The following ZNFX1 variants were observed in gnomAD, a reference collection of about 807,000 sequenced individuals.
The protein encoded by ZNFX1 is zinc finger NFX1-type containing 1, also known as NFX1-type zinc finger-containing protein 1.
ZNFX1 carries 78 observed loss-of-function variants against 179.8 expected under a neutral mutation model. That is an observed-to-expected ratio of 0.43 (90% CI 0.36 to 0.52). The LOEUF (loss-of-function observed/expected upper bound fraction) is 0.52, where lower values mean the gene tolerates loss of function less well. ZNFX1 is among the 20% of genes least tolerant of loss of function. The probability of loss-of-function intolerance (pLI) is 0.00; values close to 1 mark genes in which losing one functional copy is unlikely to be tolerated. For missense variants in ZNFX1, 1,927 were observed against 2,386.6 expected (o/e 0.81, Z 4.01); for synonymous variants, 848 against 868.5 (o/e 0.98, Z 0.42).
In ZNFX1 at chr20:49,252,733, CG is replaced by C. The variant is rs1410411079; in HGVS notation, c.3202del (p.Arg1068ValfsTer2). ...RLVKVNIPFV[R>X]LNYQHRMCPE... Reference sequence around the variant, plus strand: ...CCAGCTTCTCACCTGGTAATTCAGACGGACAAAGGGAATGTTTACTTTCACT... The same window carrying C: ...CCAGCTTCTCACCTGGTAATTCAGACGACAAAGGGAATGTTTACTTTCACT... On this transcript the variant is annotated frameshift_variant, in exon 12 of 14. Transcript: ENST00000396105. LOFTEE classifies it high-confidence loss of function. 6.2e-7 allele frequency: 1 copy of C among 1,613,636 alleles called. No individual in the cohort carries two copies. Among genetic ancestry groups the C allele is most frequent in the Non-Finnish European group, 8.5e-7 (1 of 1,179,774 alleles).
Position 49,269,316 on chromosome 20 carries a change from T to C in ZNFX1, c.1870+626A>G, listed in dbSNP as rs539762406. 6.5e-4 allele frequency among the ~76,000 whole-genome samples: 99 copies of C among 152,182 alleles called. 1 individual carries two copies. The South Asian group carries it at 0.02, about 31-fold the overall frequency. Reference sequence around the variant, plus strand: ...GTGGGAGCTAAACATTGAATACACATGGACACAAAGAAGGGAACAGACACC... The same window carrying C: ...GTGGGAGCTAAACATTGAATACACACGGACACAAAGAAGGGAACAGACACC... On this transcript the variant is annotated intron_variant, in intron 3 of 13. Transcript: ENST00000396105.
At chr20:49,258,485 T>TA (rs372751508) in intron 7 of ZNFX1, among the ~76,000 whole-genome samples, 16 of 152,232 alleles carry the variant, frequency 1.1e-4, no homozygotes, top group South Asian at 2.1e-4. Context: ...CGTTTTACGT[T>TA]AAAAAATCAT....
At chr20:49,259,563 A>G (rs1013120439) in intron 7 of ZNFX1, among the ~76,000 whole-genome samples, 5 of 151,996 alleles carry the variant, frequency 3.3e-5, no homozygotes, top group African/African-American at 1.2e-4. Flanking sequence ...CTGGGACTAC[A>G]GGCACGCACC....
rs770553251 is a variant in ZNFX1, at chr20:49,266,279, GA to G, written c.1871-14del. The stretch of plus-strand genomic sequence containing the variant: ...ACATAGGTTTTGCCTAGAAAATAAG[GA>G]AAAAGGAATTTAACAATTTAGACAT... On this transcript the variant is annotated splice_polypyrimidine_tract_variant and intron_variant, in intron 3 of 13. Coordinates refer to ENST00000396105, the MANE Select transcript of ZNFX1 (RefSeq NM_021035.3). The G allele has an allele frequency of 1.9e-6, 3 of 1,567,566 alleles. No individual in the cohort carries two copies. The highest frequency in any genetic ancestry group is 1.4e-5 in the African/African-American group (1 of 72,250).
intron 9 of ZNFX1, 92 bp from the exon 10 acceptor site, chr20:49,254,741 C>T: frequency 8.6e-6 from 1 of 116,684 alleles, no homozygotes; most frequent in Non-Finnish European, 1.7e-5. Context: ...ATGAAGTGAA[C>T]CTTGGACCCT....
chr20:49,268,475 T>C (rs181145832), intron 3 of ZNFX1, among the ~76,000 whole-genome samples: 1 of 152,196 alleles, frequency 6.6e-6, no homozygotes, highest in East Asian at 1.9e-4. Flanking sequence ...GGGAGGAATG[T>C]TATTAACTAA....
Position 49,266,196 on chromosome 20 carries a change from G to A in ZNFX1, c.1941C>T (p.Leu647=). ...ACACAACCAAGATGGGGAACTTCTG[G>A]AGGCTAATTTGCCAAACAGACTCGT... ...LTNESVWQIS[L]QKFPILVVCY... Residue 647 remains leucine, a synonymous_variant, in exon 4 of 14, where the codon CTC becomes CTT. Coordinates refer to ENST00000396105, the MANE Select transcript of ZNFX1 (RefSeq NM_021035.3). 6.2e-7 allele frequency: 1 copy of A among 1,613,234 alleles called. No individual in the cohort carries two copies.
chr20:49,257,915 T>G (rs1804704268), intron 7 of ZNFX1, among the ~76,000 whole-genome samples: 1 of 151,742 alleles, frequency 6.6e-6, no homozygotes, highest in Non-Finnish European at 1.5e-5. Flanking sequence ...GGTTTCACCA[T>G]GTTGGTCAGG....
intron 13 of ZNFX1, among the ~76,000 whole-genome samples, chr20:49,250,739 A>T (rs1231767029): frequency 6.6e-6 from 1 of 151,966 alleles, no homozygotes; most frequent in African/African-American, 2.4e-5. Context: ...TTTAGTAGAG[A>T]CGGGGTTTCA....
rs774824088 is a variant in ZNFX1 at position 49,271,769 on chromosome 20, T to C, written c.62-19A>G. Reference sequence around the variant, plus strand: ...ACAGGGCCTAAACACAATGAAATATTGAGTAACCACAAGAACCAAGTTCTG... The same window carrying C: ...ACAGGGCCTAAACACAATGAAATATCGAGTAACCACAAGAACCAAGTTCTG... On this transcript the variant is annotated intron_variant, in intron 2 of 13. Transcript: ENST00000396105. 3 of 1,574,706 alleles carry C rather than the reference T, an allele frequency of 1.9e-6. No homozygotes were observed. The highest frequency in any genetic ancestry group is 2.3e-5 in the East Asian group (1 of 44,376).
chr20:49,255,191 C>T (rs1434304417), intron 9 of ZNFX1, among the ~76,000 whole-genome samples: 1 of 151,896 alleles, frequency 6.6e-6, no homozygotes, highest in Non-Finnish European at 1.5e-5. Context: ...TTATAGGCAC[C>T]GGCCACCACG....
chr20:49,274,452 T>G (rs776159058), intron 2 of ZNFX1, among the ~76,000 whole-genome samples: 1 of 152,232 alleles, frequency 6.6e-6, no homozygotes, highest in Non-Finnish European at 1.5e-5. Context: ...TAAATTGTCA[T>G]CAAATTGAAA....
intron 1 of ZNFX1, among the ~76,000 whole-genome samples, chr20:49,277,033 A>C (rs917474414): frequency 6.6e-5 from 10 of 152,348 alleles, no homozygotes; most frequent in African/African-American, 2.4e-4. Context: ...AAAAAAGGCA[A>C]GGGAAGGAAG....
chr20:49,263,543 C>T (rs1981166062), intron 5 of ZNFX1, 60 bp from the exon 6 acceptor site: 3 of 1,543,556 alleles, frequency 1.9e-6, no homozygotes, highest in Non-Finnish European at 2.6e-6. Context: ...AAACTCAGTC[C>T]TCACCTTGAG....
At chr20:49,267,323 C>T (rs1039738347) in intron 3 of ZNFX1, among the ~76,000 whole-genome samples, 6 of 152,038 alleles carry the variant, frequency 3.9e-5, no homozygotes, top group African/African-American at 1.4e-4. Flanking sequence ...CAATTTCTTC[C>T]TTCTTTTTTA....
intron 3 of ZNFX1, among the ~76,000 whole-genome samples, chr20:49,267,506 T>G: frequency 6.7e-6 from 1 of 150,360 alleles, no homozygotes. Context: ...AAATCATGAG[T>G]TGCCATTACT....
intron 12 of ZNFX1, 152 bp from the exon 13 acceptor site, chr20:49,251,774 G>A: frequency 1.8e-6 from 1 of 564,564 alleles, no homozygotes; most frequent in Non-Finnish European, 3.1e-6. Flanking sequence ...AAGGCAGGAG[G>A]ATCACTTCAG....
At position 49,254,668 on chromosome 20, in the gene ZNFX1, C is replaced by T. The variant is rs1317816212; in HGVS notation, c.2805-19G>A. On this transcript the variant is annotated intron_variant, in intron 9 of 13. Coordinates refer to ENST00000396105, the MANE Select transcript of ZNFX1 (RefSeq NM_021035.3). ...CCAGAGCCTGGAGAATGGGAAGAAC[C>T]AAGGAAAGAAAGCCACATGCTCTTT... is the stretch of plus-strand genomic sequence containing the variant. 1 of 1,610,020 alleles carries T rather than the reference C, an allele frequency of 6.2e-7. No individual in the cohort carries two copies. The highest frequency in any genetic ancestry group is 2.2e-5 in the East Asian group (1 of 44,800).
intron 7 of ZNFX1, 50 bp from the exon 8 acceptor site, chr20:49,257,714 T>A (rs1230864610): frequency 7.8e-6 from 12 of 1,547,052 alleles, no homozygotes; most frequent in Non-Finnish European, 1.0e-5. Flanking sequence ...TTTTTTTTTT[T>A]TTTTTGATAT....
Sources: gnomAD v4.1 joint callset for allele counts (sites outside exome capture counted in the v4.1 genomes callset) on GRCh38, gnomAD v4.1.1 for gene constraint, MANE v1.5 for transcripts, NCBI Gene and HGNC (gene_info 2026-07-23, HGNC 2026-07-21) for gene names.